The following TAPT1 variants were observed in gnomAD, a reference collection of about 807,000 sequenced individuals.
The protein encoded by TAPT1 is transmembrane anterior posterior transformation 1.
In TAPT1, 28 loss-of-function variants were observed where a neutral mutation model predicts 65.6. The ratio of observed to expected loss-of-function variants is 0.43; its 90% CI spans 0.32 to 0.59. The LOEUF is 0.59. Among genes scored for constraint, TAPT1 ranks in the 20% least tolerant of loss-of-function variants. The pLI, the probability that TAPT1 is intolerant of heterozygous loss-of-function variation, is 0.09. For synonymous variants in TAPT1, 278 were observed against 245.2 expected, an observed-to-expected ratio of 1.13 and a Z score of -1.25; for missense variants, 563 against 679.9, an observed-to-expected ratio of 0.83 and a Z score of 1.91.
rs570782901 is a variant in TAPT1 at position 16,201,468 on chromosome 4, T to C, written c.449+994A>G. 2.6e-5 allele frequency among the ~76,000 whole-genome samples: 4 copies of C among 152,294 alleles called. No homozygotes were observed. In the South Asian group the frequency reaches 6.2e-4, roughly 24 times the overall value. The stretch of plus-strand genomic sequence containing the variant: ...ATTTTAGAACTTTTCCAGCATGAAA[T>C]GTATGTAGAAAAGTGATGCATGTCA... On this transcript the variant is annotated intron_variant, in intron 3 of 13. Coordinates refer to ENST00000405303, the MANE Select transcript of TAPT1 (RefSeq NM_153365.3).
chr4:16,212,738 T>C (rs573197735), intron 2 of TAPT1, among the ~76,000 whole-genome samples: 52 of 152,390 alleles, frequency 3.4e-4, no homozygotes, highest in African/African-American at 1.2e-3. Flanking sequence ...TCTCTAATCT[T>C]TGCTTGCTCA....
intron 1 of TAPT1, among the ~76,000 whole-genome samples, chr4:16,221,293 T>C (rs1751242069): frequency 6.6e-6 from 1 of 151,930 alleles, no homozygotes; most frequent in African/African-American, 2.4e-5. Flanking sequence ...GCCCAGCTAA[T>C]TTTTTGTATT....
intron 11 of TAPT1, among the ~76,000 whole-genome samples, chr4:16,173,653 T>G (rs1164029285): frequency 2.0e-5 from 3 of 152,264 alleles, no homozygotes; most frequent in African/African-American, 7.2e-5. Flanking sequence ...GAATATGTCT[T>G]CATTTGGGCA....
In TAPT1 at chr4:16,188,359, A is replaced by C. The variant is rs1206631243; in HGVS notation, c.613-4T>G. The C allele has an allele frequency of 6.5e-7, 1 of 1,548,806 alleles. No individual in the cohort carries two copies. The highest frequency in any genetic ancestry group is 8.7e-7 in the Non-Finnish European group (1 of 1,152,882). The stretch of plus-strand genomic sequence containing the variant: ...ATGAAAACAGACGATCAGCTACCTA[A>C]AAAAAAAAATTATTTGTAAGATGTT... On this transcript the variant is annotated splice_polypyrimidine_tract_variant and splice_region_variant and intron_variant, in intron 4 of 13. Coordinates refer to ENST00000405303, the MANE Select transcript of TAPT1 (RefSeq NM_153365.3).
At position 16,161,405 on chromosome 4, in the gene TAPT1, C is replaced by G. The variant is rs140152850; in HGVS notation, c.*1903G>C. The G allele has an allele frequency of 6.6e-6, 1 of 152,650 alleles. No individual in the cohort carries two copies. The highest frequency in any genetic ancestry group is 6.5e-5 in the Admixed American group (1 of 15,284). 9.5% of individuals were successfully genotyped at this position (152,650 alleles called of 1,614,324 possible). A position where few individuals can be genotyped will look rare whatever the true frequency, so the allele number is the denominator to read the frequency against. On this transcript the variant is annotated 3_prime_UTR_variant, in exon 14 of 14. Coordinates refer to ENST00000405303, the MANE Select transcript of TAPT1 (RefSeq NM_153365.3). ...AATGAACATAATCCCGAACTCCCAACAGCATCTGCAAAGGAATGGAAATCT... is the reference window on the plus strand; with the variant it reads ...AATGAACATAATCCCGAACTCCCAAGAGCATCTGCAAAGGAATGGAAATCT...
intron 1 of TAPT1, among the ~76,000 whole-genome samples, chr4:16,221,415 C>T (rs971690976): frequency 6.6e-6 from 1 of 152,300 alleles, no homozygotes; most frequent in East Asian, 1.9e-4. Context: ...AGTGAGCCAC[C>T]GCGCCCAGCC....
intron 3 of TAPT1, among the ~76,000 whole-genome samples, chr4:16,195,536 C>G (rs1442699518): frequency 1.3e-5 from 2 of 152,194 alleles, no homozygotes; most frequent in Non-Finnish European, 2.9e-5. Flanking sequence ...CATTTTTCAA[C>G]ATAAGACATT....
chr4:16,165,172 A>G (rs187199052), intron 13 of TAPT1, among the ~76,000 whole-genome samples: 76 of 152,148 alleles, frequency 5.0e-4, no homozygotes, highest in Non-Finnish European at 9.1e-4. Context: ...CTGCTCACCT[A>G]TTTGGACCCC....
At chr4:16,212,102 G>C (rs1043578340) in intron 2 of TAPT1, among the ~76,000 whole-genome samples, 1 of 152,180 alleles carries the variant, frequency 6.6e-6, no homozygotes, top group African/African-American at 2.4e-5. Flanking sequence ...TTTTGCCACA[G>C]GAGGGGTAAT....
At chr4:16,194,602 C>CA (rs886476324) in intron 3 of TAPT1, among the ~76,000 whole-genome samples, 1 of 151,568 alleles carries the variant, frequency 6.6e-6, no homozygotes, top group African/African-American at 2.4e-5. Context: ...AATTGCTGTA[C>CA]AAAAAAACAA....
At chr4:16,212,630 C>A (rs28517428) in intron 2 of TAPT1, among the ~76,000 whole-genome samples, 1 of 151,998 alleles carries the variant, frequency 6.6e-6, no homozygotes, top group African/African-American at 2.4e-5. Flanking sequence ...TCAGGCCCCC[C>A]CAGGGAACTC....
At chr4:16,203,118 CCT>C (rs2149704503) in intron 2 of TAPT1, among the ~76,000 whole-genome samples, 1 of 152,204 alleles carries the variant, frequency 6.6e-6, no homozygotes, top group East Asian at 1.9e-4. Flanking sequence ...CTTGCCATAC[CCT>C]TTCTTTTTGT....
intron 3 of TAPT1, among the ~76,000 whole-genome samples, chr4:16,195,197 A>C (rs1749628858): frequency 6.6e-6 from 1 of 152,258 alleles, no homozygotes; most frequent in Non-Finnish European, 1.5e-5. Context: ...AAACAACTTG[A>C]ACCAATCAGT....
rs563171676 is a variant in TAPT1, at chr4:16,196,206, T to C, written c.450-4683A>G. Among the ~76,000 whole-genome samples the C allele has an allele frequency of 2.6e-5, 4 of 152,382 alleles. No homozygotes were observed. In the South Asian group the frequency reaches 8.3e-4, roughly 32 times the overall value. On this transcript the variant is annotated intron_variant, in intron 3 of 13. Transcript: ENST00000405303. ...TCTTAAATCTTCAGTTTGACTCATA[T>C]GTAACAGAAAAATAAATACTTAAAC...
Position 16,213,926 on chromosome 4 carries a change from A to G in TAPT1, c.200-28T>C, listed in dbSNP as rs377206022. On this transcript the variant is annotated intron_variant, in intron 1 of 13. Transcript: ENST00000405303. ...ACAGAAAAGAAAATGACAGAAAACA[A>G]AAAGAACAGTATTTATCAAGGAACT... The G allele has an allele frequency of 8.9e-5, 140 of 1,576,194 alleles. 1 individual carries two copies. The African/African-American group carries it at 1.8e-3, about 20-fold the overall frequency.
upstream of TAPT1, chr4:16,226,683 G>A (rs1435011455): frequency 1.8e-5 from 3 of 163,808 alleles, no homozygotes; most frequent in Non-Finnish European, 2.5e-5. Flanking sequence ...TGCCCTCGCC[G>A]TGGCGGGCGA....
At chr4:16,168,232 C>T (rs970975986) in intron 12 of TAPT1, among the ~76,000 whole-genome samples, 2 of 152,034 alleles carry the variant, frequency 1.3e-5, no homozygotes, top group Non-Finnish European at 2.9e-5. Context: ...CCCACCTCAG[C>T]CTCCTGCACA....
chr4:16,199,059 T>C (rs1372425631), intron 3 of TAPT1, among the ~76,000 whole-genome samples: 2 of 152,328 alleles, frequency 1.3e-5, no homozygotes, highest in South Asian at 4.1e-4. Context: ...TTTCATATTC[T>C]GTGTAACCTG....
At chr4:16,193,708 T>C (rs548800337) in intron 3 of TAPT1, among the ~76,000 whole-genome samples, 1 of 152,316 alleles carries the variant, frequency 6.6e-6, no homozygotes, top group South Asian at 2.1e-4. Flanking sequence ...GGCCTTGGTG[T>C]GACTGTCTCC....
Sources: allele counts gnomAD v4.1 joint callset (sites outside exome capture counted in the v4.1 genomes callset), GRCh38; gene constraint gnomAD v4.1.1; transcripts MANE v1.5; gene names NCBI Gene and HGNC (gene_info 2026-07-23, HGNC 2026-07-21).